TENM1: variants seen among roughly 807,000 people sequenced by gnomAD.
TENM1 encodes teneurin transmembrane protein 1.
In TENM1, 35 loss-of-function variants were observed where a neutral mutation model predicts 174.8. The observed-to-expected ratio is 0.20, with a 90% CI of 0.15 to 0.27. The LOEUF is 0.27. Among genes scored for constraint, TENM1 ranks in the 10% least tolerant of loss-of-function variants. TENM1 has a pLI of 1.00. For synonymous variants in TENM1, 781 were observed against 798.7 expected (o/e 0.98, Z 0.37); for missense variants, 1,633 against 2,130.1 (o/e 0.77, Z 4.59).
chrX:124,637,571 A>G (rs1019066040), intron 11 of TENM1, among the ~76,000 whole-genome samples: 1 of 111,603 alleles, frequency 9.0e-6, no homozygotes, highest in African/African-American at 3.3e-5. Flanking sequence ...AAGCATGGTC[A>G]TGACACTACC....
chrX:125,144,667 C>T, the TENM1 span, among the ~76,000 whole-genome samples: 98 of 111,682 alleles, frequency 8.8e-4, no homozygotes, highest in African/African-American at 2.9e-3. Context: ...TAACGAACAA[C>T]CATGAGGACA....
At chrX:124,421,293 C>T (rs1405997535) in intron 24 of TENM1, among the ~76,000 whole-genome samples, 1 of 112,293 alleles carries the variant, frequency 8.9e-6, no homozygotes, top group African/African-American at 3.2e-5. Flanking sequence ...TGATTCAGAA[C>T]ATCAAATTTG....
At chrX:124,684,516 C>G (rs1055789783) in intron 5 of TENM1, among the ~76,000 whole-genome samples, 9 of 111,953 alleles carry the variant, frequency 8.0e-5, no homozygotes, top group African/African-American at 2.6e-4. Context: ...AGGCTGGCAC[C>G]CAATGACCAA....
chrX:124,604,372 C>T (rs751966768), intron 11 of TENM1, among the ~76,000 whole-genome samples: 2 of 111,568 alleles, frequency 1.8e-5, no homozygotes, highest in Non-Finnish European at 3.8e-5. Flanking sequence ...CTGTTTGAGA[C>T]ATCTTAAAAT....
At chrX:124,604,861 A>G (rs2148289206) in intron 11 of TENM1, among the ~76,000 whole-genome samples, 1 of 110,200 alleles carries the variant, frequency 9.1e-6, no homozygotes, top group African/African-American at 3.3e-5. Context: ...CTAACCTGTC[A>G]AAGGAGATAC....
intron 4 of TENM1, among the ~76,000 whole-genome samples, chrX:124,714,951 C>T (rs1437445400): frequency 5.4e-5 from 6 of 111,536 alleles, no homozygotes; most frequent in African/African-American, 1.9e-4. Context: ...GTTAACCCAA[C>T]TTTAATTTAA....
At chrX:124,613,456 AT>A (rs1254332826) in intron 11 of TENM1, among the ~76,000 whole-genome samples, 3 of 111,867 alleles carry the variant, frequency 2.7e-5, no homozygotes, top group Non-Finnish European at 5.6e-5. Flanking sequence ...TCAGCAAACT[AT>A]TTAAAAAATC....
the TENM1 span, among the ~76,000 whole-genome samples, chrX:125,064,080 T>C: frequency 9.3e-6 from 1 of 107,741 alleles, no homozygotes; most frequent in African/African-American, 3.4e-5. Context: ...AAACACCACA[T>C]GTTCTCACTC....
At chrX:124,469,288 A>G (rs983200923) in intron 22 of TENM1, among the ~76,000 whole-genome samples, 3 of 112,239 alleles carry the variant, frequency 2.7e-5, no homozygotes, top group Non-Finnish European at 5.6e-5. Flanking sequence ...GTATTTTAAT[A>G]CTTATCCTCT....
chrX:125,126,349 G>C, the TENM1 span, among the ~76,000 whole-genome samples: 1 of 111,675 alleles, frequency 9.0e-6, no homozygotes, highest in African/African-American at 3.3e-5. Context: ...GAGGCAAGCA[G>C]TGGTCTTGAG....
At chrX:124,817,356 C>G (rs1296351400) in intron 3 of TENM1, among the ~76,000 whole-genome samples, 1 of 111,966 alleles carries the variant, frequency 8.9e-6, no homozygotes, top group Non-Finnish European at 1.9e-5. Context: ...CATACGTGTG[C>G]ATGTGTCTTT....
chrX:124,702,241 C>A lies in TENM1; in HGVS notation c.1015+2772G>T, dbSNP rs775829103. Reference sequence around the variant, plus strand: ...TACAGCTCTTATGTGCTATCTTTCACCTGAATGCCTATTTATGAATTTTTA... The same window carrying A: ...TACAGCTCTTATGTGCTATCTTTCAACTGAATGCCTATTTATGAATTTTTA... On this transcript the variant is annotated intron_variant, in intron 5 of 31. Coordinates refer to ENST00000422452, the Ensembl canonical transcript of TENM1. Among the ~76,000 whole-genome samples, 27 of 111,893 alleles carry A rather than the reference C, an allele frequency of 2.4e-4. No individual in the cohort carries two copies. In the East Asian group the frequency reaches 5.9e-3, roughly 24 times the overall value.
intron 3 of TENM1, among the ~76,000 whole-genome samples, chrX:124,787,094 T>G (rs1272703341): frequency 2.7e-5 from 3 of 111,581 alleles, no homozygotes; most frequent in African/African-American, 9.8e-5. Context: ...AAAATATTAT[T>G]GCCCACTCAA....
the TENM1 span, among the ~76,000 whole-genome samples, chrX:125,069,344 T>C: frequency 8.9e-6 from 1 of 112,173 alleles, no homozygotes; most frequent in South Asian, 3.7e-4. Flanking sequence ...TTTCTTTCTA[T>C]GGATGCATGG....
At chrX:124,624,056 T>C (rs1243232679) in intron 11 of TENM1, among the ~76,000 whole-genome samples, 1 of 111,984 alleles carries the variant, frequency 8.9e-6, no homozygotes, top group Non-Finnish European at 1.9e-5. Context: ...AATCTTTGCA[T>C]ACATTATCTC....
chrX:125,139,191 A>G, the TENM1 span, among the ~76,000 whole-genome samples: 1 of 111,850 alleles, frequency 8.9e-6, no homozygotes, highest in South Asian at 3.7e-4. Flanking sequence ...ACACAAAATG[A>G]TTAAATAAAA....
intron 20 of TENM1, among the ~76,000 whole-genome samples, chrX:124,494,372 T>C (rs1001486430): frequency 1.8e-5 from 2 of 111,448 alleles, no homozygotes; most frequent in Non-Finnish European, 3.8e-5. Flanking sequence ...AGCCAAATGT[T>C]CCAGAGGCAT....
intron 3 of TENM1, among the ~76,000 whole-genome samples, chrX:124,839,062 G>A (rs974658399): frequency 9.0e-6 from 1 of 111,080 alleles, no homozygotes; most frequent in Non-Finnish European, 1.9e-5. Flanking sequence ...CTCAGCAGAG[G>A]AAATAGATAA....
chrX:125,201,518 T>TG, the TENM1 span, among the ~76,000 whole-genome samples: 1 of 111,538 alleles, frequency 9.0e-6, no homozygotes, highest in African/African-American at 3.3e-5. Flanking sequence ...AAAATATTTG[T>TG]GGGGTTTTTT....
Sources: gnomAD v4.1 joint callset for allele counts (sites outside exome capture counted in the v4.1 genomes callset) on GRCh38, gnomAD v4.1.1 for gene constraint, MANE v1.5 for transcripts, NCBI Gene and HGNC (gene_info 2026-07-23, HGNC 2026-07-21) for gene names.